Variants in ABCA12 observed in about 807,000 individuals in gnomAD.
The protein encoded by ABCA12 is ATP binding cassette subfamily A member 12.
A neutral mutation model predicts 293.5 loss-of-function variants in ABCA12; 156 were observed. That is an observed-to-expected ratio of 0.53 (90% CI 0.47 to 0.61). The LOEUF (loss-of-function observed/expected upper bound fraction) is 0.61. ABCA12 is among the 20% of genes least tolerant of loss of function. The pLI is 0.00. For synonymous variants in ABCA12, 1,063 were observed against 1,108.0 expected (o/e 0.96, Z 0.81); for missense variants, 2,797 against 3,090.2 (o/e 0.91, Z 2.25).
chr2:214,962,483 A>G (rs1699141185), intron 39 of ABCA12: 1 of 152,300 alleles, frequency 6.6e-6, no homozygotes, highest in Non-Finnish European at 1.5e-5. Flanking sequence ...TTGCCCAGGT[A>G]TAGAACTTCT....
chr2:214,982,856 G>A (rs1177984560), intron 29 of ABCA12, among the ~76,000 whole-genome samples: 2 of 152,092 alleles, frequency 1.3e-5, no homozygotes, highest in Non-Finnish European at 2.9e-5. Flanking sequence ...GTGGTGATAA[G>A]TGCAATTAAA....
At chr2:214,962,632 C>A (rs1251718092) in intron 39 of ABCA12, 1 of 152,194 alleles carries the variant, frequency 6.6e-6, no homozygotes, top group Non-Finnish European at 1.5e-5. Context: ...CTCATTGCCA[C>A]ATGTCACTTA....
At chr2:215,131,575 G>A (rs1290020427) in intron 1 of ABCA12, among the ~76,000 whole-genome samples, 2 of 151,612 alleles carry the variant, frequency 1.3e-5, no homozygotes, top group African/African-American at 4.8e-5. Flanking sequence ...GGTAACAGTT[G>A]TGATGTCATC....
At chr2:215,001,506 T>C in intron 21 of ABCA12, 52 bp downstream of exon 21, 1 of 1,610,566 alleles carries the variant, frequency 6.2e-7, no homozygotes. Flanking sequence ...GGAAAGAATT[T>C]GGCCAATTTT....
intron 49 of ABCA12, among the ~76,000 whole-genome samples, chr2:214,944,710 C>G (rs1223452822): frequency 1.3e-5 from 2 of 152,090 alleles, no homozygotes; most frequent in East Asian, 3.9e-4. Context: ...GTTAAAAAGA[C>G]TGCTTAGACC....
At chr2:214,971,592 G>C (rs1699386661) in intron 36 of ABCA12, among the ~76,000 whole-genome samples, 1 of 152,140 alleles carries the variant, frequency 6.6e-6, no homozygotes, top group Non-Finnish European at 1.5e-5. Context: ...TAGTATAAAT[G>C]TGTTTTCTTG....
chr2:214,949,974 G>A (rs1289994705), intron 45 of ABCA12, among the ~76,000 whole-genome samples: 2 of 152,164 alleles, frequency 1.3e-5, no homozygotes, highest in Non-Finnish European at 2.9e-5. Flanking sequence ...TATATATACA[G>A]TCAGCCCTCC....
rs1700473666 is a variant in ABCA12 at position 215,015,518 on chromosome 2, T to C, written c.1928A>G (p.Tyr643Cys). ...SYLIGLTLLH[Y>C]LNIYNFTYKV... ...GTATGTGAAGTTGTAAATGTTTAAGTAGTGCAGAAGGGTGAGTCCGATGAG... is the reference window on the plus strand; with the variant it reads ...GTATGTGAAGTTGTAAATGTTTAAGCAGTGCAGAAGGGTGAGTCCGATGAG... Residue 643 changes from tyrosine to cysteine, a missense_variant, in exon 15 of 53, where the codon TAC (tyrosine) becomes TGC (cysteine). Physicochemically the swap from Tyr to Cys is radical, Grantham distance 194. Around this residue, in one of 3 missense-constraint regions of ABCA12, gnomAD observed 2,130 missense variants for 2,427.0 expected, o/e 0.88. Transcript: ENST00000272895. The C allele has an allele frequency of 6.2e-7, 1 of 1,614,152 alleles. No homozygotes were observed. Among genetic ancestry groups the C allele is most frequent in the Non-Finnish European group, 8.5e-7 (1 of 1,180,006 alleles).
chr2:214,937,765 C>G, intron 50 of ABCA12, 150 bp from the exon 51 acceptor site: 1 of 646,198 alleles, frequency 1.5e-6, no homozygotes, highest in Non-Finnish European at 2.8e-6. Context: ...AAGTTCAGGA[C>G]ATGTTGCAAA....
chr2:214,940,514 G>T (rs1698362916), intron 50 of ABCA12, among the ~76,000 whole-genome samples: 1 of 152,126 alleles, frequency 6.6e-6, no homozygotes, highest in African/African-American at 2.4e-5. Context: ...TTTTTCTGTT[G>T]ATTGGAATAG....
At position 215,001,733 on chromosome 2, in the gene ABCA12, A is replaced by G; in HGVS notation, c.2688T>C (p.Ile896=). The G allele has an allele frequency of 6.2e-7, 1 of 1,613,030 alleles. No individual in the cohort carries two copies. Among genetic ancestry groups the G allele is most frequent in the Non-Finnish European group, 8.5e-7 (1 of 1,179,598 alleles). The change falls in exon 21 of 53, where the codon ATT becomes ATC. Residue 896 remains isoleucine, a synonymous_variant. Coordinates refer to ENST00000272895, the MANE Select transcript of ABCA12 (RefSeq NM_173076.3). Reference sequence around the variant, plus strand: ...TGTTGTTCTCTAATTTCAGTCTTAGAATATCTAAAGAGGCAAAGCAAAAGA... The same window carrying G: ...TGTTGTTCTCTAATTTCAGTCTTAGGATATCTAAAGAGGCAAAGCAAAAGA... The part of the protein sequence containing the change: ...ELLKQIDELD[I]LRLKLENNID...
At position 215,031,902 on chromosome 2, in the gene ABCA12, G is replaced by A. The variant is rs779087515; in HGVS notation, c.986-6C>T. The A allele has an allele frequency of 2.5e-6, 4 of 1,613,474 alleles. No homozygotes were observed. Among genetic ancestry groups the A allele is most frequent in the East Asian group, 4.5e-5 (2 of 44,848 alleles). On this transcript the variant is annotated splice_region_variant and splice_polypyrimidine_tract_variant and intron_variant, in intron 8 of 52. Coordinates refer to ENST00000272895, the MANE Select transcript of ABCA12 (RefSeq NM_173076.3). ...CGTTATATTATCGGAGTCACCTGAAGTAATAATTTTTATATAGGTAAACAT... is the reference window on the plus strand; with the variant it reads ...CGTTATATTATCGGAGTCACCTGAAATAATAATTTTTATATAGGTAAACAT...
intron 1 of ABCA12, among the ~76,000 whole-genome samples, chr2:215,126,158 G>T (rs1702916976): frequency 6.6e-6 from 1 of 152,112 alleles, no homozygotes; most frequent in African/African-American, 2.4e-5. Context: ...CCTGATCATG[G>T]TGAATTATCT....
intron 2 of ABCA12, among the ~76,000 whole-genome samples, chr2:215,085,765 G>A (rs1218532083): frequency 6.6e-6 from 1 of 152,116 alleles, no homozygotes; most frequent in Non-Finnish European, 1.5e-5. Flanking sequence ...AGAATTATTG[G>A]GGCAGGGTGG....
intron 39 of ABCA12, among the ~76,000 whole-genome samples, chr2:214,965,070 C>A (rs1559118501): frequency 6.6e-6 from 1 of 152,088 alleles, no homozygotes; most frequent in South Asian, 2.1e-4. Context: ...AGAAATAAGA[C>A]CACATACCTA....
chr2:214,992,475 AAAC>A (rs1240333235), intron 23 of ABCA12, among the ~76,000 whole-genome samples: 17 of 148,932 alleles, frequency 1.1e-4, no homozygotes, highest in African/African-American at 3.7e-4. Flanking sequence ...AAAAAAAAAA[AAAC>A]AATTCATGAT....
At chr2:214,962,587 A>G (rs1056376304) in intron 39 of ABCA12, 3 of 152,188 alleles carry the variant, frequency 2.0e-5, no homozygotes, top group African/African-American at 7.2e-5. Context: ...TATCTACAGA[A>G]CTTTCTATCC....
At position 214,973,929 on chromosome 2, in the gene ABCA12, G is replaced by T; in HGVS notation, c.5562+20C>A. 2 of 1,599,942 alleles carry T rather than the reference G, an allele frequency of 1.3e-6. No individual in the cohort carries two copies. Among genetic ancestry groups the T allele is most frequent in the Non-Finnish European group, 1.7e-6 (2 of 1,167,346 alleles). ...ATTCCCGTATTTTTCCCATTTCACTGAAACTGAATTCCATCTTACCTGGAC... is the reference window on the plus strand; with the variant it reads ...ATTCCCGTATTTTTCCCATTTCACTTAAACTGAATTCCATCTTACCTGGAC... On this transcript the variant is annotated intron_variant, in intron 36 of 52. Coordinates refer to ENST00000272895, the MANE Select transcript of ABCA12 (RefSeq NM_173076.3).
intron 19 of ABCA12, 76 bp downstream of exon 19, chr2:215,007,651 G>C (rs532599517): frequency 2.5e-6 from 4 of 1,574,024 alleles, no homozygotes; most frequent in Non-Finnish European, 3.5e-6. Context: ...CCCCCTTCCC[G>C]TTCACATATT....
Sources: allele counts gnomAD v4.1 joint callset (sites outside exome capture counted in the v4.1 genomes callset), GRCh38; gene constraint gnomAD v4.1.1; regional missense constraint gnomAD v4.1.1; transcripts MANE v1.5; gene names NCBI Gene and HGNC (gene_info 2026-07-23, HGNC 2026-07-21).